Variants in RNF38 observed in about 807,000 individuals in gnomAD.
The protein encoded by RNF38 is E3 ubiquitin-protein ligase RNF38.
A neutral mutation model predicts 67.2 loss-of-function variants in RNF38; 15 were observed. The ratio of observed to expected loss-of-function variants is 0.22; its 90% confidence interval spans 0.15 to 0.34. RNF38 has a LOEUF of 0.34. RNF38 is among the 10% of genes least tolerant of loss of function. The pLI is 1.00. For missense variants in RNF38, 524 were observed against 639.9 expected, an observed-to-expected ratio of 0.82 and a Z score of 1.95; for synonymous variants, 220 against 218.8, an observed-to-expected ratio of 1.01 and a Z score of -0.05.
chr9:36,434,601 C>T (rs1256815898), intron 1 of RNF38, among the ~76,000 whole-genome samples: 1 of 152,130 alleles, frequency 6.6e-6, no homozygotes, highest in Non-Finnish European at 1.5e-5. Flanking sequence ...GTTGGTCAGG[C>T]TGGTCTCGAA....
chr9:36,397,868 T>G (rs947332038), intron 1 of RNF38, among the ~76,000 whole-genome samples: 1 of 152,192 alleles, frequency 6.6e-6, no homozygotes, highest in African/African-American at 2.4e-5. Flanking sequence ...TCGTTTTACT[T>G]AGGTTGGTTA....
intron 1 of RNF38, among the ~76,000 whole-genome samples, chr9:36,460,511 T>C (rs1413857682): frequency 6.6e-6 from 1 of 151,984 alleles, no homozygotes; most frequent in African/African-American, 2.4e-5. Context: ...TGCACAGTGG[T>C]GGGAAACAGA....
chr9:36,370,395 C>G (rs1249405536), intron 3 of RNF38, among the ~76,000 whole-genome samples: 1 of 151,816 alleles, frequency 6.6e-6, no homozygotes, highest in Non-Finnish European at 1.5e-5. Flanking sequence ...TCCTATGTGG[C>G]CAAAATGACA....
At chr9:36,353,572 CTATT>C (rs932120440) in intron 6 of RNF38, among the ~76,000 whole-genome samples, 1 of 152,158 alleles carries the variant, frequency 6.6e-6, no homozygotes, top group Non-Finnish European at 1.5e-5. Flanking sequence ...CCATTACCCT[CTATT>C]TATTTTACTA....
At chr9:36,460,182 C>T (rs1008992502) in intron 1 of RNF38, among the ~76,000 whole-genome samples, 28 of 152,060 alleles carry the variant, frequency 1.8e-4, no homozygotes, top group Non-Finnish European at 3.4e-4. Context: ...AGAATGTTGC[C>T]TACAAGACGT....
chr9:36,348,678 A>C (rs1406193026), intron 9 of RNF38, among the ~76,000 whole-genome samples: 1 of 152,234 alleles, frequency 6.6e-6, no homozygotes, highest in Non-Finnish European at 1.5e-5. Flanking sequence ...AGAGGTGAGG[A>C]AGCTGCAGAA....
chr9:36,413,225 A>C (rs893564393), intron 2 of RNF38, among the ~76,000 whole-genome samples: 4 of 150,920 alleles, frequency 2.7e-5, no homozygotes, highest in Non-Finnish European at 5.9e-5. Context: ...GCAAGACTCC[A>C]TCTCAATTTA....
At chr9:36,347,668 C>A (rs565129297) in intron 9 of RNF38, among the ~76,000 whole-genome samples, 1 of 152,292 alleles carries the variant, frequency 6.6e-6, no homozygotes, top group East Asian at 1.9e-4. Context: ...CCGTCTCCTG[C>A]GGTATTCCTA....
At chr9:36,377,653 G>A (rs1289798700) in intron 2 of RNF38, among the ~76,000 whole-genome samples, 1 of 152,050 alleles carries the variant, frequency 6.6e-6, no homozygotes, top group East Asian at 1.9e-4. Context: ...TAGGGAGTTG[G>A]TTCCAGAGAC....
At chr9:36,424,649 G>T in exon 2 of RNF38, 1 of 985,778 alleles carries the variant, frequency 1.0e-6, no homozygotes, top group Non-Finnish European at 1.2e-6. Flanking sequence ...GGTCGTGATG[G>T]ATGGACTGGC....
At chr9:36,365,412 C>CA (rs1244374442) in intron 4 of RNF38, among the ~76,000 whole-genome samples, 3 of 151,520 alleles carry the variant, frequency 2.0e-5, no homozygotes, top group Non-Finnish European at 4.4e-5. Context: ...ACTAAAAATA[C>CA]AAAAAATCAG....
At position 36,337,144 on chromosome 9, in the gene RNF38, A is replaced by C. The variant is rs1226339778; in HGVS notation, c.*2608T>G. 6.6e-6 allele frequency: 1 copy of C among 152,236 alleles called. No homozygotes were observed. Among genetic ancestry groups the C allele is most frequent in the Non-Finnish European group, 1.5e-5 (1 of 68,040 alleles). 9.4% of individuals were successfully genotyped at this position (152,236 alleles called of 1,614,324 possible). A position where few individuals can be genotyped will look rare whatever the true frequency, so the allele number is the denominator to read the frequency against. On this transcript the variant is annotated 3_prime_UTR_variant, in exon 12 of 12. Coordinates refer to ENST00000259605, the MANE Select transcript of RNF38 (RefSeq NM_022781.5). ...TGCCTGCTATCTGGTGCATCACCCAAGGTGACCAATGGCTGGGCACAAATA... is the reference window on the plus strand; with the variant it reads ...TGCCTGCTATCTGGTGCATCACCCACGGTGACCAATGGCTGGGCACAAATA...
chr9:36,454,228 A>G (rs577645686), intron 1 of RNF38, among the ~76,000 whole-genome samples: 1 of 151,758 alleles, frequency 6.6e-6, no homozygotes, highest in Non-Finnish European at 1.5e-5. Flanking sequence ...GGTTCAAATG[A>G]TTCTCCTGCC....
chr9:36,367,216 C>T lies in RNF38; in HGVS notation c.570+2503G>A, dbSNP rs138761466. On this transcript the variant is annotated intron_variant, in intron 4 of 11. Coordinates refer to ENST00000259605, the MANE Select transcript of RNF38 (RefSeq NM_022781.5). ...AAATGCCTTAAGGACAGAACTAGCA[C>T]CCCACTTTCCCTTAGTTTTGATTTC... Among the ~76,000 whole-genome samples, 404 of 152,246 alleles carry T rather than the reference C, an allele frequency of 2.7e-3. 5 individuals carry two copies. The highest frequency in any genetic ancestry group is 0.019 in the South Asian group (90 of 4,820).
intron 5 of RNF38, 80 bp downstream of exon 5, chr9:36,357,693 TAA>T (rs1446700358): frequency 9.2e-7 from 1 of 1,083,462 alleles, no homozygotes; most frequent in African/African-American, 1.5e-5. Context: ...CTAAAGAGGG[TAA>T]GAGTCGGGAA....
At chr9:36,366,833 G>GTT (rs1474143545) in intron 4 of RNF38, among the ~76,000 whole-genome samples, 1 of 152,124 alleles carries the variant, frequency 6.6e-6, no homozygotes, top group Non-Finnish European at 1.5e-5. Context: ...AGTTAACTTT[G>GTT]TTTATTGCTC....
intron 1 of RNF38, among the ~76,000 whole-genome samples, chr9:36,396,208 G>A (rs1837499060): frequency 6.6e-6 from 1 of 152,204 alleles, no homozygotes; most frequent in South Asian, 2.1e-4. Flanking sequence ...GTAACAGCCT[G>A]CCTTTCTGAT....
intron 1 of RNF38, among the ~76,000 whole-genome samples, chr9:36,470,971 C>CT (rs1839983252): frequency 6.6e-6 from 1 of 152,202 alleles, no homozygotes; most frequent in East Asian, 1.9e-4. Context: ...GTCTGTGGTA[C>CT]TGCAAACATG....
intron 1 of RNF38, among the ~76,000 whole-genome samples, chr9:36,443,419 G>C (rs554722684): frequency 2.0e-5 from 3 of 152,280 alleles, no homozygotes; most frequent in East Asian, 3.9e-4. Context: ...GCTGAAAGTT[G>C]CAAGAGTGAG....
Sources: allele counts gnomAD v4.1 joint callset (sites outside exome capture counted in the v4.1 genomes callset), GRCh38; gene constraint gnomAD v4.1.1; transcripts MANE v1.5; gene names NCBI Gene and HGNC (gene_info 2026-07-23, HGNC 2026-07-21).